Variants in CREB3L2 observed in about 807,000 individuals in gnomAD.
CREB3L2 encodes the protein cAMP responsive element binding protein 3 like 2, also known as cyclic AMP-responsive element-binding protein 3-like protein 2.
In CREB3L2, 23 loss-of-function variants were observed where a neutral mutation model predicts 57.2. The observed-to-expected ratio is 0.40, with a 90% confidence interval of 0.29 to 0.57. The LOEUF (loss-of-function observed/expected upper bound fraction) is 0.57. Ranked by LOEUF, CREB3L2 falls within the 20% of genes least tolerant of loss-of-function variation. CREB3L2 has a pLI of 0.42. For missense variants in CREB3L2, 628 were observed against 634.7 expected (o/e 0.99, Z 0.11); for synonymous variants, 268 against 265.1 (o/e 1.01, Z -0.11).
At chr7:137,956,778 C>A in intron 1 of CREB3L2, 1 of 480,902 alleles carries the variant, frequency 2.1e-6, no homozygotes, top group South Asian at 1.7e-5. Flanking sequence ...TAAGGCCCCA[C>A]CTAAAAGAGT....
At chr7:137,968,250 G>A (rs1801442400) in intron 1 of CREB3L2, among the ~76,000 whole-genome samples, 1 of 150,110 alleles carries the variant, frequency 6.7e-6, no homozygotes, top group Non-Finnish European at 1.5e-5. Context: ...TAGGGTACAT[G>A]TGCACAACGT....
chr7:137,935,394 C>T (rs1438957747), intron 1 of CREB3L2, among the ~76,000 whole-genome samples: 2 of 152,180 alleles, frequency 1.3e-5, no homozygotes, highest in Non-Finnish European at 2.9e-5. Flanking sequence ...AGGAAACTAC[C>T]TAAGACAGAA....
At chr7:137,998,663 G>C (rs1291988593) in intron 1 of CREB3L2, among the ~76,000 whole-genome samples, 2 of 152,188 alleles carry the variant, frequency 1.3e-5, no homozygotes, top group Non-Finnish European at 2.9e-5. Context: ...TAATAAAAAT[G>C]GCTCATTTCA....
Position 137,908,440 on chromosome 7 carries a change from CA to C in CREB3L2, c.584-5del. The stretch of plus-strand genomic sequence containing the variant: ...AAATGCAGGTGGTCCACTGGGGCTG[CA>C]AAAAAGGAAGCACATCTCATCCATC... On this transcript the variant is annotated splice_region_variant and splice_polypyrimidine_tract_variant and intron_variant, in intron 4 of 11. Coordinates refer to ENST00000330387, the MANE Select transcript of CREB3L2 (RefSeq NM_194071.4). The C allele has an allele frequency of 1.6e-6, 2 of 1,260,900 alleles. No homozygotes were observed. The highest frequency in any genetic ancestry group is 3.6e-5 in the South Asian group (1 of 28,102). The allele number at this position is 1,260,900 out of a possible 1,614,324, so 78.1% of individuals were successfully genotyped here. A position where few individuals can be genotyped will look rare whatever the true frequency, so the allele number is the denominator to read the frequency against.
Position 137,880,153 on chromosome 7 carries a change from G to T in CREB3L2, c.*323C>A. 1 of 407,726 alleles carries T rather than the reference G, an allele frequency of 2.5e-6. No homozygotes were observed. Among genetic ancestry groups the T allele is most frequent in the Non-Finnish European group, 4.6e-6 (1 of 219,498 alleles). The allele number at this position is 407,726 out of a possible 1,614,324, so 25.3% of individuals were successfully genotyped here. ...CAAAGCGGGGGGTTACACCTCACAGGTGCACATTAGGCAATATCTTTTTGG... is the reference window on the plus strand; with the variant it reads ...CAAAGCGGGGGGTTACACCTCACAGTTGCACATTAGGCAATATCTTTTTGG... On this transcript the variant is annotated 3_prime_UTR_variant, in exon 12 of 12. Coordinates refer to ENST00000330387, the MANE Select transcript of CREB3L2 (RefSeq NM_194071.4). The surrounding 1 kb of genome is among the most constrained non-coding windows in gnomAD (Gnocchi z 4.0).
chr7:137,911,622 G>A (rs985164683), intron 4 of CREB3L2, among the ~76,000 whole-genome samples: 32 of 152,214 alleles, frequency 2.1e-4, no homozygotes, highest in Admixed American at 3.9e-4. Context: ...AGGATCACTT[G>A]AGCTCAGGAG....
At chr7:137,885,620 A>G (rs1342184855) in intron 8 of CREB3L2, 118 bp from the exon 9 acceptor site, 4 of 745,638 alleles carry the variant, frequency 5.4e-6, no homozygotes, top group Non-Finnish European at 7.0e-6. Context: ...ACAGAGCCCC[A>G]AGGGACAGTT....
At chr7:137,982,154 C>A (rs551192364) in intron 1 of CREB3L2, among the ~76,000 whole-genome samples, 2 of 152,266 alleles carry the variant, frequency 1.3e-5, no homozygotes, top group Non-Finnish European at 2.9e-5. Flanking sequence ...GGTCAGCAAA[C>A]CTTTTGAAAA....
At chr7:137,998,337 G>A (rs1035134702) in intron 1 of CREB3L2, among the ~76,000 whole-genome samples, 1 of 152,230 alleles carries the variant, frequency 6.6e-6, no homozygotes, top group Non-Finnish European at 1.5e-5. Flanking sequence ...AATCATGCAT[G>A]TAGTAACTAA....
At chr7:137,923,904 A>G (rs539116015) in intron 2 of CREB3L2, among the ~76,000 whole-genome samples, 3 of 152,188 alleles carry the variant, frequency 2.0e-5, no homozygotes, top group East Asian at 3.9e-4. Flanking sequence ...ATGTGATCCT[A>G]TGTTTCTCAG....
intron 8 of CREB3L2, among the ~76,000 whole-genome samples, chr7:137,891,089 T>C (rs931010678): frequency 6.6e-6 from 1 of 152,238 alleles, no homozygotes; most frequent in Non-Finnish European, 1.5e-5. Flanking sequence ...AACAGATTTT[T>C]CACAATTTGT....
At chr7:137,915,035 A>G (rs931341468) in intron 3 of CREB3L2, among the ~76,000 whole-genome samples, 12 of 152,270 alleles carry the variant, frequency 7.9e-5, no homozygotes, top group African/African-American at 2.9e-4. Context: ...CTGCAGATAG[A>G]CATTCTATCT....
chr7:137,922,479 T>C (rs1175438109), intron 2 of CREB3L2: 2 of 172,756 alleles, frequency 1.2e-5, no homozygotes, highest in African/African-American at 7.0e-5. Flanking sequence ...TACACACATA[T>C]ATATATACAC....
chr7:137,995,941 T>G (rs1046090000), intron 1 of CREB3L2, among the ~76,000 whole-genome samples: 1 of 152,244 alleles, frequency 6.6e-6, no homozygotes, highest in African/African-American at 2.4e-5. Context: ...GAGAACAATT[T>G]CAGAGACAGT....
intron 4 of CREB3L2, among the ~76,000 whole-genome samples, chr7:137,910,867 G>C (rs902126264): frequency 6.6e-6 from 1 of 152,138 alleles, no homozygotes; most frequent in African/African-American, 2.4e-5. Context: ...GCTGCTTTTG[G>C]GTTACTGCAA....
At chr7:137,978,253 T>G (rs1487174617) in intron 1 of CREB3L2, among the ~76,000 whole-genome samples, 1 of 152,202 alleles carries the variant, frequency 6.6e-6, no homozygotes, top group Non-Finnish European at 1.5e-5. Flanking sequence ...TCTCTATATA[T>G]CTCTCTAGAG....
At chr7:137,979,728 AAACAACAACAAC>A (rs139819092) in intron 1 of CREB3L2, among the ~76,000 whole-genome samples, 8,707 of 150,470 alleles carry the variant, frequency 0.058, 354 homozygotes, top group African/African-American at 0.097. Context: ...TCCGTCTCAA[AAACAACAACAAC>A]AACAACAACA....
At chr7:137,981,978 C>A (rs939069603) in intron 1 of CREB3L2, among the ~76,000 whole-genome samples, 3 of 152,028 alleles carry the variant, frequency 2.0e-5, no homozygotes, top group African/African-American at 4.8e-5. Context: ...AATTAGTGCC[C>A]AGCAGCAAGA....
At chr7:137,956,526 T>C in intron 1 of CREB3L2, 1 of 913,738 alleles carries the variant, frequency 1.1e-6, no homozygotes, top group Non-Finnish European at 1.5e-6. Context: ...CAAAAGCTCC[T>C]AAGCCCACCT....
Sources: gnomAD v4.1 joint callset for allele counts (sites outside exome capture counted in the v4.1 genomes callset) on GRCh38, gnomAD v4.1.1 for gene constraint, Gnocchi (gnomAD v3.1) non-coding constraint, MANE v1.5 for transcripts, NCBI Gene and HGNC (gene_info 2026-07-23, HGNC 2026-07-21) for gene names.